Variants in DMD observed in about 807,000 individuals in gnomAD.
DMD encodes the protein mutant dystrophin.
In DMD, 63 loss-of-function variants were observed where a neutral mutation model predicts 330.1. That is an observed-to-expected ratio of 0.19 (90% CI 0.16 to 0.24). The LOEUF (loss-of-function observed/expected upper bound fraction) is 0.24, where lower values mean the gene tolerates loss of function less well. DMD is among the 10% of genes least tolerant of loss of function. DMD has a pLI of 1.00. For synonymous variants in DMD, 1,223 were observed against 959.8 expected (o/e 1.27, Z -5.07); for missense variants, 3,344 against 2,684.1 (o/e 1.25, Z -5.43).
At chrX:31,770,890 GTTA>G (rs1286101421) in intron 51 of DMD, among the ~76,000 whole-genome samples, 1 of 111,821 alleles carries the variant, frequency 8.9e-6, no homozygotes, top group African/African-American at 3.3e-5. Flanking sequence ...CTATCATAGT[GTTA>G]TTATTTTCTT....
chrX:31,256,281 C>T (rs757624662), intron 63 of DMD, among the ~76,000 whole-genome samples: 26 of 112,062 alleles, frequency 2.3e-4, no homozygotes, highest in Non-Finnish European at 3.8e-4. Flanking sequence ...CAAGACAATG[C>T]TTTTGTCAAA....
intron 30 of DMD, among the ~76,000 whole-genome samples, chrX:32,398,606 G>A (rs1053723960): frequency 9.0e-6 from 1 of 111,461 alleles, no homozygotes; most frequent in Non-Finnish European, 1.9e-5. Flanking sequence ...TGGACATTGT[G>A]TATAATTATT....
At chrX:32,731,468 C>A (rs2067636230) in intron 7 of DMD, among the ~76,000 whole-genome samples, 1 of 112,768 alleles carries the variant, frequency 8.9e-6, no homozygotes, top group Non-Finnish European at 1.9e-5. Flanking sequence ...AGGGCACAGA[C>A]AAACAAAAAG....
chrX:31,893,792 C>A (rs1314177609), intron 47 of DMD, among the ~76,000 whole-genome samples: 2 of 111,226 alleles, frequency 1.8e-5, no homozygotes, highest in Non-Finnish European at 3.8e-5. Flanking sequence ...GGAAGTCAGG[C>A]AACCTGACTT....
chrX:31,893,187 C>G (rs2149773873), intron 47 of DMD, among the ~76,000 whole-genome samples: 1 of 111,544 alleles, frequency 9.0e-6, no homozygotes, highest in South Asian at 3.7e-4. Context: ...TTTTCTTGCC[C>G]CCACTAAATA....
chrX:32,837,291 T>C lies in DMD; in HGVS notation c.264+7492A>G, dbSNP rs189426045. ...TGATGACTACATCACCTGGAATCTCTTAACCTTGGACTTCTGGTTAGACTA... is the reference window on the plus strand; with the variant it reads ...TGATGACTACATCACCTGGAATCTCCTAACCTTGGACTTCTGGTTAGACTA... On this transcript the variant is annotated intron_variant, in intron 4 of 78. Coordinates refer to ENST00000357033, the MANE Select transcript of DMD (RefSeq NM_004006.3). Among the ~76,000 whole-genome samples the C allele has an allele frequency of 8.0e-5, 9 of 112,211 alleles. No individual in the cohort carries two copies. In the East Asian group the frequency reaches 2.5e-3, roughly 32 times the overall value.
intron 30 of DMD, among the ~76,000 whole-genome samples, chrX:32,396,815 A>C (rs1943535867): frequency 8.9e-6 from 1 of 111,869 alleles, no homozygotes; most frequent in Non-Finnish European, 1.9e-5. Flanking sequence ...TAATTCCACA[A>C]AATTTACATT....
intron 55 of DMD, among the ~76,000 whole-genome samples, chrX:31,598,165 C>T (rs1178725407): frequency 9.1e-6 from 1 of 109,382 alleles, no homozygotes. Context: ...GACTGGAGTA[C>T]AGTAGCATAG....
intron 11 of DMD, among the ~76,000 whole-genome samples, chrX:32,639,386 A>T (rs1418725591): frequency 5.4e-5 from 6 of 111,651 alleles, no homozygotes; most frequent in Non-Finnish European, 7.5e-5. Flanking sequence ...TTAAAAAAAA[A>T]ATCATTGGCT....
intron 2 of DMD, among the ~76,000 whole-genome samples, chrX:32,942,217 T>C (rs1481717549): frequency 2.0e-4 from 22 of 111,951 alleles, no homozygotes; most frequent in Non-Finnish European, 1.9e-5. Context: ...ATGTCGTTAT[T>C]TGAATTTGAG....
chrX:31,227,928 T>G (rs1273870325), intron 63 of DMD, among the ~76,000 whole-genome samples: 3 of 109,129 alleles, frequency 2.7e-5, no homozygotes, highest in Non-Finnish European at 3.8e-5. Flanking sequence ...TATGCAGCCA[T>G]AAAAAAGGAT....
chrX:32,552,991 C>A (rs771271647), intron 16 of DMD, among the ~76,000 whole-genome samples: 1 of 111,556 alleles, frequency 9.0e-6, no homozygotes, highest in Admixed American at 9.5e-5. Flanking sequence ...GTTCAGCCAC[C>A]GTGGAAAGCA....
chrX:32,884,487 G>C (rs1169702902), intron 2 of DMD, among the ~76,000 whole-genome samples: 1 of 111,725 alleles, frequency 9.0e-6, no homozygotes, highest in Non-Finnish European at 1.9e-5. Context: ...AATTCAGGAA[G>C]GCAATATTTG....
intron 50 of DMD, among the ~76,000 whole-genome samples, chrX:31,794,075 T>A (rs956421619): frequency 9.0e-6 from 1 of 111,691 alleles, no homozygotes; most frequent in Non-Finnish European, 1.9e-5. Context: ...CATTGTATTA[T>A]CTGAGACTAC....
rs762590643 is a variant in DMD at position 31,478,070 on chromosome X, T to C, written c.8937+36A>G. 4.2e-6 allele frequency: 5 copies of C among 1,200,449 alleles called. No individual in the cohort carries two copies. In the African/African-American group the frequency reaches 8.8e-5, roughly 21 times the overall value. On this transcript the variant is annotated intron_variant, in intron 59 of 78. Transcript: ENST00000357033. ...TTCAGATTAGAAGCTCTTTTGAGTCTCTCAAAGGGCCCTGAAGCAAAGAAG... is the reference window on the plus strand; with the variant it reads ...TTCAGATTAGAAGCTCTTTTGAGTCCCTCAAAGGGCCCTGAAGCAAAGAAG...
At chrX:32,298,514 C>CAT (rs57786574) in intron 42 of DMD, among the ~76,000 whole-genome samples, 13,137 of 104,444 alleles carry the variant, frequency 0.13, 850 homozygotes, top group Non-Finnish European at 0.17. Context: ...ATATAAAAGG[C>CAT]ATATATATAT....
At chrX:31,556,089 C>T (rs750656072) in intron 55 of DMD, among the ~76,000 whole-genome samples, 1 of 110,161 alleles carries the variant, frequency 9.1e-6, no homozygotes, top group South Asian at 3.9e-4. Flanking sequence ...AATAATTGGC[C>T]GGGCGCAGTG....
At chrX:32,044,452 C>T (rs899770604) in intron 44 of DMD, among the ~76,000 whole-genome samples, 2 of 108,351 alleles carry the variant, frequency 1.8e-5, no homozygotes, top group African/African-American at 3.4e-5. Context: ...GATGAAGTCT[C>T]GCTCTGTCGC....
At chrX:32,932,719 G>A (rs368317357) in intron 2 of DMD, among the ~76,000 whole-genome samples, 6 of 111,804 alleles carry the variant, frequency 5.4e-5, no homozygotes, top group East Asian at 5.7e-4. Context: ...GTACAAGCCC[G>A]AAAAGGCTGG....
Sources: allele counts gnomAD v4.1 joint callset (sites outside exome capture counted in the v4.1 genomes callset), GRCh38; gene constraint gnomAD v4.1.1; transcripts MANE v1.5; gene names NCBI Gene and HGNC (gene_info 2026-07-23, HGNC 2026-07-21).